The following CAMKMT variants were observed in gnomAD, a reference collection of about 807,000 sequenced individuals.
The protein encoded by CAMKMT is CaM KMT.
A neutral mutation model predicts 48.0 loss-of-function variants in CAMKMT; 53 were observed. The ratio of observed to expected loss-of-function variants is 1.10; its 90% CI spans 0.89 to 1.39. The LOEUF is 1.39. Ranked by LOEUF, CAMKMT falls within the 40% of genes most tolerant of loss-of-function variation. The probability of loss-of-function intolerance (pLI) is 0.00; values close to 1 mark genes in which losing one functional copy is unlikely to be tolerated. For missense variants in CAMKMT, 428 were observed against 402.7 expected (o/e 1.06, Z -0.54); for synonymous variants, 165 against 152.3 (o/e 1.08, Z -0.61).
intron 3 of CAMKMT, among the ~76,000 whole-genome samples, chr2:44,411,979 A>ATTTT (rs541645446): frequency 1.7e-4 from 16 of 91,838 alleles, no homozygotes; most frequent in Non-Finnish European, 2.6e-4. Context: ...ATTCTCTTCA[A>ATTTT]TTTTTTTTTT....
At chr2:44,481,692 A>G (rs1039854689) in intron 3 of CAMKMT, among the ~76,000 whole-genome samples, 3 of 152,084 alleles carry the variant, frequency 2.0e-5, no homozygotes, top group Non-Finnish European at 4.4e-5. Context: ...TTCCCTAATG[A>G]TAAAGTTGAT....
chr2:44,695,545 A>C (rs1676894295), intron 3 of CAMKMT, among the ~76,000 whole-genome samples: 1 of 152,208 alleles, frequency 6.6e-6, no homozygotes, highest in African/African-American at 2.4e-5. Context: ...ACAAAACTAT[A>C]TTCAAAAGAC....
At chr2:44,687,171 G>A (rs1465323351) in intron 3 of CAMKMT, among the ~76,000 whole-genome samples, 1 of 152,208 alleles carries the variant, frequency 6.6e-6, no homozygotes, top group African/African-American at 2.4e-5. Flanking sequence ...TGAAGTGTGT[G>A]ACTGTATAAT....
intron 3 of CAMKMT, among the ~76,000 whole-genome samples, chr2:44,571,304 A>G (rs1668885875): frequency 6.6e-6 from 1 of 152,214 alleles, no homozygotes; most frequent in Non-Finnish European, 1.5e-5. Context: ...TGTGAGGGTG[A>G]GGTAAAAGAG....
At chr2:44,736,559 A>G (rs1199696247) in intron 7 of CAMKMT, among the ~76,000 whole-genome samples, 3 of 152,188 alleles carry the variant, frequency 2.0e-5, no homozygotes, top group Admixed American at 1.3e-4. Flanking sequence ...AGTTTTCATT[A>G]AATTAGGACA....
intron 3 of CAMKMT, among the ~76,000 whole-genome samples, chr2:44,564,620 G>C (rs1389719889): frequency 6.6e-6 from 1 of 151,416 alleles, no homozygotes; most frequent in Admixed American, 6.6e-5. Context: ...CACGATCTCA[G>C]CTCAGTCTCC....
At chr2:44,366,371 T>A (rs531554135) in intron 1 of CAMKMT, among the ~76,000 whole-genome samples, 1 of 152,362 alleles carries the variant, frequency 6.6e-6, no homozygotes, top group East Asian at 1.9e-4. Flanking sequence ...CACTGATCTA[T>A]ATCAAGTATT....
intron 4 of CAMKMT, 36 bp from the exon 5 acceptor site, chr2:44,706,251 T>G: frequency 6.2e-7 from 1 of 1,608,748 alleles, no homozygotes; most frequent in Non-Finnish European, 8.5e-7. Context: ...TTCATCTAAT[T>G]TGTATGGGTT....
intron 3 of CAMKMT, among the ~76,000 whole-genome samples, chr2:44,678,210 A>G (rs568621443): frequency 4.7e-4 from 72 of 152,350 alleles, no homozygotes; most frequent in Non-Finnish European, 8.5e-4. Flanking sequence ...AAATGCGTGA[A>G]AAAAGTAGAC....
At chr2:44,487,175 A>G (rs1669255252) in intron 3 of CAMKMT, among the ~76,000 whole-genome samples, 1 of 152,202 alleles carries the variant, frequency 6.6e-6, no homozygotes, top group Non-Finnish European at 1.5e-5. Flanking sequence ...AAGGCCTGGT[A>G]TTCACTGTTA....
chr2:44,406,623 G>A (rs559553452), intron 3 of CAMKMT, among the ~76,000 whole-genome samples: 4 of 152,144 alleles, frequency 2.6e-5, no homozygotes, highest in East Asian at 3.9e-4. Context: ...TTGAGACAAC[G>A]TCTCACTCTG....
intron 3 of CAMKMT, among the ~76,000 whole-genome samples, chr2:44,518,376 TG>T (rs1670938457): frequency 6.6e-6 from 1 of 152,198 alleles, no homozygotes; most frequent in Non-Finnish European, 1.5e-5. Context: ...TGTATATTAA[TG>T]TGATTTCTGT....
At chr2:44,682,258 G>T (rs1278774179) in intron 3 of CAMKMT, among the ~76,000 whole-genome samples, 1 of 152,204 alleles carries the variant, frequency 6.6e-6, no homozygotes, top group East Asian at 1.9e-4. Flanking sequence ...CATTTTTCAA[G>T]GGGATTTACA....
At position 44,449,015 on chromosome 2, in the gene CAMKMT, G is replaced by A. The variant is rs575800349; in HGVS notation, c.376+58710G>A. Among the ~76,000 whole-genome samples the A allele has an allele frequency of 3.9e-5, 6 of 152,228 alleles. No homozygotes were observed. In the South Asian group the frequency reaches 6.2e-4, roughly 16 times the overall value. On this transcript the variant is annotated intron_variant, in intron 3 of 10. Coordinates refer to ENST00000378494, the MANE Select transcript of CAMKMT (RefSeq NM_024766.5). ...TATGGACGGAATGGGGTTTCTTTTG[G>A]GGGTGATGAAAATGTTGAAAAATTG...
At chr2:44,417,786 T>C (rs534465755) in intron 3 of CAMKMT, among the ~76,000 whole-genome samples, 2 of 152,378 alleles carry the variant, frequency 1.3e-5, no homozygotes, top group South Asian at 4.1e-4. Flanking sequence ...TCTATGCAGA[T>C]TCCTGATGAC....
intron 1 of CAMKMT, among the ~76,000 whole-genome samples, chr2:44,364,669 C>A (rs1241129007): frequency 6.6e-6 from 1 of 152,184 alleles, no homozygotes; most frequent in East Asian, 1.9e-4. Flanking sequence ...TAAGCTATTG[C>A]TAAGTAAGAA....
chr2:44,683,604 A>G (rs985939812), intron 3 of CAMKMT, among the ~76,000 whole-genome samples: 3 of 152,250 alleles, frequency 2.0e-5, no homozygotes, highest in African/African-American at 4.8e-5. Context: ...GCGGATCGCA[A>G]GGTCAGGAGA....
At chr2:44,678,269 G>A (rs1425824018) in intron 3 of CAMKMT, among the ~76,000 whole-genome samples, 1 of 152,178 alleles carries the variant, frequency 6.6e-6, no homozygotes, top group African/African-American at 2.4e-5. Flanking sequence ...ATTTTGAAAT[G>A]TTAAGTAAAT....
chr2:44,469,709 A>G (rs1017407044), intron 3 of CAMKMT, among the ~76,000 whole-genome samples: 7 of 152,164 alleles, frequency 4.6e-5, no homozygotes, highest in Non-Finnish European at 8.8e-5. Context: ...TTGAATACAT[A>G]CATAATGTTG....
Sources: gnomAD v4.1 joint callset for allele counts (sites outside exome capture counted in the v4.1 genomes callset) on GRCh38, gnomAD v4.1.1 for gene constraint, MANE v1.5 for transcripts, NCBI Gene and HGNC (gene_info 2026-07-23, HGNC 2026-07-21) for gene names.